Variants in YARS1 observed in about 807,000 individuals in gnomAD.
YARS1 encodes tyrosine--tRNA ligase, cytoplasmic.
Under a neutral mutation model 62.2 loss-of-function variants are expected in YARS1, and 36 were observed. The observed-to-expected ratio is 0.58, with a 90% confidence interval of 0.44 to 0.76. The LOEUF is 0.76. Ranked by LOEUF, YARS1 falls within the 30% of genes least tolerant of loss-of-function variation. The pLI is 0.00. For missense variants in YARS1, 524 were observed against 639.8 expected (o/e 0.82, Z 1.95); for synonymous variants, 234 against 244.9 (o/e 0.96, Z 0.42).
rs1569747188 is a variant in YARS1 at position 32,797,711 on chromosome 1, G to A, written c.591+52C>T. ...GACACATCATAGTTCAATAAACACA[G>A]CTGCATACCTCTGAGGTGCAAGTGA... On this transcript the variant is annotated intron_variant, in intron 5 of 12. Transcript: ENST00000373477. 11 of 1,463,354 alleles carry A rather than the reference G, an allele frequency of 7.5e-6. No homozygotes were observed. The East Asian group carries it at 2.3e-4, about 30-fold the overall frequency. 90.6% of individuals were successfully genotyped at this position (1,463,354 alleles called of 1,614,324 possible).
intron 4 of YARS1, among the ~76,000 whole-genome samples, chr1:32,801,863 G>A (rs1638303440): frequency 6.7e-6 from 1 of 149,896 alleles, no homozygotes; most frequent in Admixed American, 6.7e-5. Context: ...TTCCTCATCT[G>A]TTCAAAATTT....
At chr1:32,792,005 G>A (rs1427488330) in intron 5 of YARS1, among the ~76,000 whole-genome samples, 2 of 152,056 alleles carry the variant, frequency 1.3e-5, no homozygotes, top group Non-Finnish European at 2.9e-5. Flanking sequence ...TGGAGTTCAG[G>A]GCTGGAGGAG....
intron 3 of YARS1, among the ~76,000 whole-genome samples, chr1:32,806,841 CA>C (rs747779886): frequency 6.6e-6 from 1 of 152,168 alleles, no homozygotes; most frequent in Non-Finnish European, 1.5e-5. Flanking sequence ...GGTGAGGATT[CA>C]AAAACTACCT....
chr1:32,801,706 C>T (rs995414731), intron 4 of YARS1, among the ~76,000 whole-genome samples: 2 of 152,158 alleles, frequency 1.3e-5, no homozygotes, highest in African/African-American at 2.4e-5. Context: ...TATTGGAGTC[C>T]ATCCTCTCAG....
chr1:32,814,429 C>T (rs1475210196), intron 1 of YARS1, among the ~76,000 whole-genome samples: 1 of 152,138 alleles, frequency 6.6e-6, no homozygotes, highest in Non-Finnish European at 1.5e-5. Flanking sequence ...CTTGCTCTGT[C>T]ACCCAAGCTG....
intron 5 of YARS1, among the ~76,000 whole-genome samples, chr1:32,794,779 A>C (rs192742715): frequency 6.0e-4 from 90 of 151,084 alleles, no homozygotes; most frequent in Admixed American, 9.9e-4. Context: ...AGGCCGAGGC[A>C]GGTGGGTTAC....
At chr1:32,794,919 G>T (rs1469047776) in intron 5 of YARS1, among the ~76,000 whole-genome samples, 1 of 147,268 alleles carries the variant, frequency 6.8e-6, no homozygotes, top group Non-Finnish European at 1.5e-5. Flanking sequence ...CAGGAGAATG[G>T]CTTGAACCCG....
At chr1:32,815,418 C>A (rs886912213) in intron 1 of YARS1, among the ~76,000 whole-genome samples, 1 of 152,124 alleles carries the variant, frequency 6.6e-6, no homozygotes, top group Non-Finnish European at 1.5e-5. Context: ...TTTTTAGTCT[C>A]CAACCAGCAC....
intron 4 of YARS1, among the ~76,000 whole-genome samples, chr1:32,804,869 G>A (rs1569764885): frequency 6.6e-6 from 1 of 152,156 alleles, no homozygotes; most frequent in East Asian, 1.9e-4. Flanking sequence ...CACTTTGGGA[G>A]GCCAAGGCAG....
chr1:32,810,608 A>T lies in YARS1; in HGVS notation c.363T>A (p.Thr121=), dbSNP rs1201696018. The T allele has an allele frequency of 6.2e-7, 1 of 1,613,086 alleles. No individual in the cohort carries two copies. The highest frequency in any genetic ancestry group is 1.3e-5 in the African/African-American group (1 of 75,020). ...PLEKLKFIKG[T]DYQLSKEYTL... ...GCACTTACTTGCTGAGCTGGTAATC[A>T]GTGCCTTTGATGAACTTGAGCTTCT... The change falls in exon 3 of 13, where the codon ACT becomes ACA. Residue 121 remains threonine, a synonymous_variant. Transcript: ENST00000373477.
intron 3 of YARS1, among the ~76,000 whole-genome samples, chr1:32,808,938 T>A (rs1217537438): frequency 2.6e-5 from 4 of 152,216 alleles, no homozygotes; most frequent in African/African-American, 4.8e-5. Context: ...TACTTTTGCA[T>A]ATCCAGTATC....
At chr1:32,785,966 A>G (rs568711813) in intron 8 of YARS1, among the ~76,000 whole-genome samples, 1 of 151,544 alleles carries the variant, frequency 6.6e-6, no homozygotes, top group South Asian at 2.1e-4. Context: ...TTGTATGGGT[A>G]CTTGAAGAAG....
chr1:32,812,691 A>G lies in YARS1; in HGVS notation c.58-1634T>C, dbSNP rs373692458. ...TCTACATGACAAGAACCTTAGCTTC[A>G]GCTGGGTGCAGCACCTCACGCCTGT... On this transcript the variant is annotated intron_variant, in intron 1 of 12. Coordinates refer to ENST00000373477, the MANE Select transcript of YARS1 (RefSeq NM_003680.4). Among the ~76,000 whole-genome samples the G allele has an allele frequency of 1.1e-4, 17 of 152,302 alleles. No homozygotes were observed. The East Asian group carries it at 2.7e-3, about 24-fold the overall frequency.
chr1:32,792,658 A>G (rs897589787), intron 5 of YARS1, among the ~76,000 whole-genome samples: 1 of 152,166 alleles, frequency 6.6e-6, no homozygotes. Flanking sequence ...TGGGAGGCCG[A>G]GGCAGGCGTC....
rs550386299 is a variant in YARS1 at position 32,816,078 on chromosome 1, C to T, written c.57+1110G>A. Among the ~76,000 whole-genome samples, 11 of 137,402 alleles carry T rather than the reference C, an allele frequency of 8.0e-5. No homozygotes were observed. The South Asian group carries it at 2.4e-3, about 30-fold the overall frequency. The allele number at this position is 137,402 out of a possible 152,430, so 90.1% of individuals were successfully genotyped here. A position where few individuals can be genotyped will look rare whatever the true frequency, so the allele number is the denominator to read the frequency against. ...GAGCCGAGATTGGGCCACTGCACTC[C>T]AGCCTGGGCGACAGAGCGAGACTCC... On this transcript the variant is annotated intron_variant, in intron 1 of 12. Coordinates refer to ENST00000373477, the MANE Select transcript of YARS1 (RefSeq NM_003680.4).
At chr1:32,803,091 T>A (rs1291152148) in intron 4 of YARS1, among the ~76,000 whole-genome samples, 1 of 151,086 alleles carries the variant, frequency 6.6e-6, no homozygotes, top group Non-Finnish European at 1.5e-5. Flanking sequence ...CAAGCGACTG[T>A]CCTGCCTCAG....
intron 1 of YARS1, among the ~76,000 whole-genome samples, chr1:32,816,053 G>T (rs1423264315): frequency 6.8e-6 from 1 of 147,486 alleles, no homozygotes; most frequent in Non-Finnish European, 1.5e-5. Context: ...AGGTTGCAAT[G>T]AGCCGAGATT....
At chr1:32,810,517 T>C in intron 3 of YARS1, 74 bp downstream of exon 3, 1 of 1,579,578 alleles carries the variant, frequency 6.3e-7, no homozygotes, top group Non-Finnish European at 8.7e-7. Context: ...ATGTAAAGAA[T>C]GCCTGGACTC....
At chr1:32,779,266 G>A in intron 12 of YARS1, 116 bp downstream of exon 12, 2 of 1,542,580 alleles carry the variant, frequency 1.3e-6, no homozygotes, top group African/African-American at 1.4e-5. Flanking sequence ...GGGAGAGAGG[G>A]GCTCAAATGC....
Sources: gnomAD v4.1 joint callset for allele counts (sites outside exome capture counted in the v4.1 genomes callset) on GRCh38, gnomAD v4.1.1 for gene constraint, MANE v1.5 for transcripts, NCBI Gene and HGNC (gene_info 2026-07-23, HGNC 2026-07-21) for gene names.